The following MCPH1 variants were observed in gnomAD, a reference collection of about 807,000 sequenced individuals.
MCPH1 encodes the protein microcephalin.
In MCPH1, 104 loss-of-function variants were observed where a neutral mutation model predicts 84.5. That is an observed-to-expected ratio of 1.23 (90% confidence interval 1.05 to 1.45). The LOEUF is 1.45. Ranked by LOEUF, MCPH1 falls within the 40% of genes most tolerant of loss-of-function variation. The probability of loss-of-function intolerance (pLI) is 0.00; values close to 1 mark genes in which losing one functional copy is unlikely to be tolerated. For missense variants in MCPH1, 1,498 were observed against 1,005.7 expected (o/e 1.49, Z -6.62); for synonymous variants, 514 against 366.8 (o/e 1.40, Z -4.58).
chr8:6,543,050 G>T lies in MCPH1; in HGVS notation c.2214+43121G>T, dbSNP rs575079129. ...GGAATGCTTGAGAAATCTCACAGCAGGGCTGTGCGTGCCCTGCCGGGTCCC... is the reference window on the plus strand; with the variant it reads ...GGAATGCTTGAGAAATCTCACAGCATGGCTGTGCGTGCCCTGCCGGGTCCC... On this transcript the variant is annotated intron_variant, in intron 12 of 13. Transcript: ENST00000344683. Among the ~76,000 whole-genome samples the T allele has an allele frequency of 1.8e-4, 28 of 152,284 alleles. No individual in the cohort carries two copies. The South Asian group carries it at 5.8e-3, about 32-fold the overall frequency.
At chr8:6,512,663 G>C (rs1815393239) in intron 12 of MCPH1, among the ~76,000 whole-genome samples, 3 of 152,100 alleles carry the variant, frequency 2.0e-5, no homozygotes, top group Middle Eastern at 6.8e-3. Flanking sequence ...CTGTGCATGT[G>C]GCTTCACCGT....
chr8:6,598,096 T>G (rs1829065285), intron 12 of MCPH1, among the ~76,000 whole-genome samples: 1 of 152,000 alleles, frequency 6.6e-6, no homozygotes, highest in African/African-American at 2.4e-5. Flanking sequence ...CTCAACAGGG[T>G]GAGGATGCTC....
intron 13 of MCPH1, chr8:6,624,765 C>T (rs1017905881): frequency 1.0e-6 from 1 of 963,398 alleles, no homozygotes; most frequent in African/African-American, 1.8e-5. Flanking sequence ...TTTTTCTGTC[C>T]ATACATACAC....
At position 6,477,609 on chromosome 8, in the gene MCPH1, G is replaced by C. The variant is rs138218829; in HGVS notation, c.1951G>C (p.Val651Leu). ...AAATCTCTAGCCAACAAGAACATTA[G>C]TCATGACAAGCATGCCATCTGAGTA... ...GRGKKPTRTLVMTSMPSEKQN... is the reference protein window; with the variant it reads ...GRGKKPTRTLLMTSMPSEKQN... Residue 651 changes from valine (V) to leucine (L), a missense_variant, in exon 10 of 14, where the codon GTC becomes CTC. Val to Leu is a conservative substitution (Grantham distance 32, BLOSUM62 1). Coordinates refer to ENST00000344683, the MANE Select transcript of MCPH1 (RefSeq NM_024596.5). The C allele has an allele frequency of 1.2e-6, 2 of 1,613,022 alleles. No homozygotes were observed. Among genetic ancestry groups the C allele is most frequent in the Non-Finnish European group, 1.7e-6 (2 of 1,179,510 alleles).
intron 13 of MCPH1, among the ~76,000 whole-genome samples, chr8:6,632,320 A>G (rs1797221387): frequency 6.6e-6 from 1 of 152,214 alleles, no homozygotes; most frequent in African/African-American, 2.4e-5. Context: ...ACACTTAAAA[A>G]TAGCTAATAT....
intron 11 of MCPH1, among the ~76,000 whole-genome samples, chr8:6,497,895 A>G (rs1811441665): frequency 6.6e-6 from 1 of 152,242 alleles, no homozygotes; most frequent in African/African-American, 2.4e-5. Flanking sequence ...TAAGGTTTTT[A>G]TGATGTCCTA....
chr8:6,434,992 G>A (rs965348631), intron 4 of MCPH1, among the ~76,000 whole-genome samples: 7 of 152,196 alleles, frequency 4.6e-5, no homozygotes, highest in African/African-American at 1.7e-4. Flanking sequence ...GGGTAAGGCT[G>A]GGAACGTGAG....
chr8:6,502,942 A>T (rs1456546157), intron 12 of MCPH1: 2 of 775,776 alleles, frequency 2.6e-6, no homozygotes, highest in East Asian at 5.5e-5. Context: ...TTAAGTGATA[A>T]AGTTTACAGG....
chr8:6,455,287 A>T (rs775573440), intron 9 of MCPH1, 35 bp downstream of exon 9: 4 of 1,334,696 alleles, frequency 3.0e-6, no homozygotes, highest in Non-Finnish European at 2.2e-6. Flanking sequence ...AAACTTTCAA[A>T]TGCTGATACA....
Position 6,637,610 on chromosome 8 carries a change from T to G in MCPH1, c.2453-5384T>G, listed in dbSNP as rs368171389. On this transcript the variant is annotated intron_variant, in intron 13 of 13. Coordinates refer to ENST00000344683, the MANE Select transcript of MCPH1 (RefSeq NM_024596.5). ...GATAAATGGAAGTCACAGAACGATTTTAAGTGGGAGGATTAGGCTGCGGTA... is the reference window on the plus strand; with the variant it reads ...GATAAATGGAAGTCACAGAACGATTGTAAGTGGGAGGATTAGGCTGCGGTA... Among the ~76,000 whole-genome samples, 94 of 152,240 alleles carry G rather than the reference T, an allele frequency of 6.2e-4. 2 individuals are homozygous for G. The South Asian group carries it at 0.019, about 31-fold the overall frequency.
chr8:6,522,932 C>G (rs965640179), intron 12 of MCPH1, among the ~76,000 whole-genome samples: 4 of 152,160 alleles, frequency 2.6e-5, no homozygotes, highest in South Asian at 2.1e-4. Flanking sequence ...TCTAAAAAAT[C>G]TAACCAGCGC....
chr8:6,568,537 G>A (rs1277370908), intron 12 of MCPH1, among the ~76,000 whole-genome samples: 1 of 152,152 alleles, frequency 6.6e-6, no homozygotes, highest in Non-Finnish European at 1.5e-5. Context: ...ATGGAAATGG[G>A]GCCACCAGCC....
At chr8:6,513,510 C>T (rs1422558959) in intron 12 of MCPH1, among the ~76,000 whole-genome samples, 2 of 151,856 alleles carry the variant, frequency 1.3e-5, no homozygotes, top group South Asian at 2.1e-4. Flanking sequence ...TTTTTTTGTA[C>T]TTCTAGTAGA....
chr8:6,600,768 C>T (rs1472901815), intron 12 of MCPH1, among the ~76,000 whole-genome samples: 1 of 152,212 alleles, frequency 6.6e-6, no homozygotes, highest in Non-Finnish European at 1.5e-5. Context: ...CTGAGCAACG[C>T]AGGAGGCACA....
In MCPH1 at chr8:6,531,273, G is replaced by GTTTC. The variant is rs558112004; in HGVS notation, c.2214+31364_2214+31367dup. Among the ~76,000 whole-genome samples the GTTTC allele has an allele frequency of 5.0e-3, 745 of 150,098 alleles. 2 individuals are homozygous for GTTTC. The highest frequency in any genetic ancestry group is 0.017 in the African/African-American group (706 of 40,694). ...TTCCTATTTTGCTGTTATTTTACTA[G>GTTTC]TTTCTTTCTTTCTTTCTTTCTTTTT... On this transcript the variant is annotated intron_variant, in intron 12 of 13. Coordinates refer to ENST00000344683, the MANE Select transcript of MCPH1 (RefSeq NM_024596.5).
intron 12 of MCPH1, among the ~76,000 whole-genome samples, chr8:6,568,277 T>G (rs1826374466): frequency 6.6e-6 from 1 of 152,036 alleles, no homozygotes; most frequent in Non-Finnish European, 1.5e-5. Context: ...GACCCATCGC[T>G]AGCTGAATGT....
At chr8:6,414,626 C>T in intron 2 of MCPH1, 139 bp from the exon 3 acceptor site, 6 of 787,754 alleles carry the variant, frequency 7.6e-6, no homozygotes, top group Admixed American at 2.7e-5. Flanking sequence ...ATGTTTTAAG[C>T]AGCGTTATGC....
chr8:6,594,948 T>C (rs1437539004), intron 12 of MCPH1, among the ~76,000 whole-genome samples: 1 of 152,230 alleles, frequency 6.6e-6, no homozygotes. Flanking sequence ...AACTGTTCTT[T>C]AAAATCGAAG....
chr8:6,591,347 A>G (rs1292344964), intron 12 of MCPH1, among the ~76,000 whole-genome samples: 1 of 152,210 alleles, frequency 6.6e-6, no homozygotes, highest in Non-Finnish European at 1.5e-5. Flanking sequence ...GCTAGTGTTT[A>G]TTAAGGTCTT....
Sources: allele counts gnomAD v4.1 joint callset (sites outside exome capture counted in the v4.1 genomes callset), GRCh38; gene constraint gnomAD v4.1.1; transcripts MANE v1.5; gene names NCBI Gene and HGNC (gene_info 2026-07-23, HGNC 2026-07-21).